The following IL1RAP variants were observed in gnomAD, a reference collection of about 807,000 sequenced individuals.
IL1RAP encodes the protein interleukin 1 receptor accessory protein, also known as interleukin-1 receptor accessory protein.
IL1RAP carries 35 observed loss-of-function variants against 60.7 expected under a neutral mutation model. The ratio of observed to expected loss-of-function variants is 0.58; its 90% CI spans 0.44 to 0.76. The LOEUF (loss-of-function observed/expected upper bound fraction) is 0.76, where lower values mean the gene tolerates loss of function less well. IL1RAP is among the 30% of genes least tolerant of loss of function. The pLI, the probability that IL1RAP is intolerant of heterozygous loss-of-function variation, is 0.00. For missense variants in IL1RAP, 572 were observed against 693.9 expected (o/e 0.82, Z 1.97); for synonymous variants, 268 against 250.9 (o/e 1.07, Z -0.64).
intron 3 of IL1RAP, among the ~76,000 whole-genome samples, chr3:190,581,513 A>G (rs1727996388): frequency 6.6e-6 from 1 of 152,212 alleles, no homozygotes; most frequent in South Asian, 2.1e-4. Flanking sequence ...GTATTTCCAA[A>G]TGTGAGCAAA....
chr3:190,630,111 A>T lies in IL1RAP; in HGVS notation c.1051+613A>T, dbSNP rs376706101. ...TAATTATAATATTATTTTAAACACT[A>T]TGTATCAATATTTAAGCAGGTTTAT... On this transcript the variant is annotated intron_variant, in intron 9 of 11. Coordinates refer to ENST00000447382, the MANE Select transcript of IL1RAP (RefSeq NM_002182.4). 16 of 763,450 alleles carry T rather than the reference A, an allele frequency of 2.1e-5. No homozygotes were observed. In the East Asian group the frequency reaches 3.9e-4, roughly 18 times the overall value. The allele number at this position is 763,450 out of a possible 1,614,324, so 47.3% of individuals were successfully genotyped here. A position where few individuals can be genotyped will look rare whatever the true frequency, so the allele number is the denominator to read the frequency against.
chr3:190,516,443 G>A (rs139977450), intron 1 of IL1RAP: 1 of 152,202 alleles, frequency 6.6e-6, no homozygotes, highest in Admixed American at 6.5e-5. Flanking sequence ...TCAAAGAAAG[G>A]TTGGTCAATT....
In IL1RAP at chr3:190,650,936, T is replaced by C. The variant is rs1734355657; in HGVS notation, c.*2231T>C. ...GATTCCATATTTATCCCAAATGCTG[T>C]TGGGCACCCCTAGAAATACCTTGAT... On this transcript the variant is annotated 3_prime_UTR_variant, in exon 12 of 12. Coordinates refer to ENST00000447382, the MANE Select transcript of IL1RAP (RefSeq NM_002182.4). The C allele has an allele frequency of 1.2e-5, 12 of 985,314 alleles. No homozygotes were observed. Among genetic ancestry groups the C allele is most frequent in the Non-Finnish European group, 1.4e-5 (12 of 829,906 alleles). The allele number at this position is 985,314 out of a possible 1,614,324, so 61.0% of individuals were successfully genotyped here.
At chr3:190,626,747 T>C (rs1732314307) in intron 7 of IL1RAP, among the ~76,000 whole-genome samples, 2 of 143,592 alleles carry the variant, frequency 1.4e-5, no homozygotes, top group Admixed American at 1.5e-4. Context: ...CTTGGCTCAC[T>C]GCAACCTCCA....
At chr3:190,587,562 T>A (rs1026380976) in intron 3 of IL1RAP, among the ~76,000 whole-genome samples, 4 of 152,208 alleles carry the variant, frequency 2.6e-5, no homozygotes, top group African/African-American at 9.6e-5. Context: ...AAGATGTATC[T>A]CAGGAACTAT....
intron 5 of IL1RAP, among the ~76,000 whole-genome samples, chr3:190,619,321 T>C (rs372461228): frequency 7.9e-5 from 12 of 152,216 alleles, no homozygotes; most frequent in African/African-American, 2.7e-4. Flanking sequence ...TTCTCAATTT[T>C]AAATGTCAAC....
intron 5 of IL1RAP, among the ~76,000 whole-genome samples, chr3:190,612,149 C>T (rs1730874887): frequency 6.6e-6 from 1 of 152,000 alleles, no homozygotes. Flanking sequence ...CAGTGAGTAG[C>T]TGTGCATGAA....
rs564183712 is a variant in IL1RAP, at chr3:190,560,346, C to T, written c.-1-3943C>T. Reference sequence around the variant, plus strand: ...GTGAATGGCCAAGTTTTCAAAAGTGCGAATGGTCGTAGTTTTCAGTGGGCA... The same window carrying T: ...GTGAATGGCCAAGTTTTCAAAAGTGTGAATGGTCGTAGTTTTCAGTGGGCA... On this transcript the variant is annotated intron_variant, in intron 2 of 11. Transcript: ENST00000447382. Among the ~76,000 whole-genome samples the T allele has an allele frequency of 4.6e-5, 7 of 152,242 alleles. No individual in the cohort carries two copies. The East Asian group carries it at 9.7e-4, about 21-fold the overall frequency.
rs182642392 is a variant in IL1RAP, at chr3:190,638,606, T to C, written c.1052-5642T>C. 5.3e-5 allele frequency among the ~76,000 whole-genome samples: 8 copies of C among 152,306 alleles called. No individual in the cohort carries two copies. The East Asian group carries it at 1.4e-3, about 26-fold the overall frequency. On this transcript the variant is annotated intron_variant, in intron 9 of 11. Transcript: ENST00000447382. ...TGTTTTAATGAGCAGAGGTTCTCAT[T>C]TTTTATGAGATGTAATTTATTAACT...
At chr3:190,565,755 G>T (rs983111672) in intron 3 of IL1RAP, among the ~76,000 whole-genome samples, 1 of 152,050 alleles carries the variant, frequency 6.6e-6, no homozygotes, top group Non-Finnish European at 1.5e-5. Context: ...TTGATGTCCT[G>T]ATTTTCAAAT....
chr3:190,533,395 C>T (rs181837242), intron 1 of IL1RAP, among the ~76,000 whole-genome samples: 1 of 152,254 alleles, frequency 6.6e-6, no homozygotes, highest in Admixed American at 6.5e-5. Flanking sequence ...GCCTTTCCGG[C>T]CTTGAGATTC....
chr3:190,609,036 T>A lies in IL1RAP; in HGVS notation c.392T>A (p.Val131Asp). 1.2e-6 allele frequency: 2 copies of A among 1,613,474 alleles called. No individual in the cohort carries two copies. Among genetic ancestry groups the A allele is most frequent in the Non-Finnish European group, 1.7e-6 (2 of 1,179,638 alleles). ...YCSKVAFPLE[V>D]VQKDSCFNSP... is the part of the protein sequence containing the mutation. ...AGCAAAGTTGCATTTCCCTTGGAAGTTGTTCAAAAAGACAGCTGTTTCAAT... is the reference window on the plus strand; with the variant it reads ...AGCAAAGTTGCATTTCCCTTGGAAGATGTTCAAAAAGACAGCTGTTTCAAT... The change falls in exon 5 of 12, where the codon GTT becomes GAT. Residue 131 changes from valine to aspartate, a missense_variant. Coordinates refer to ENST00000447382, the MANE Select transcript of IL1RAP (RefSeq NM_002182.4).
downstream of IL1RAP, chr3:190,656,219 G>C: frequency 1.3e-6 from 2 of 1,537,224 alleles, no homozygotes; most frequent in Non-Finnish European, 1.7e-6. Context: ...AATGAGAGCT[G>C]CTCTTCCCAG....
chr3:190,593,315 A>T (rs1729104174), intron 3 of IL1RAP, among the ~76,000 whole-genome samples: 1 of 151,874 alleles, frequency 6.6e-6, no homozygotes, highest in African/African-American at 2.4e-5. Flanking sequence ...GCTCACAGAC[A>T]CTCCAGCTCT....
chr3:190,622,924 C>T (rs1054803921), intron 6 of IL1RAP, among the ~76,000 whole-genome samples: 3 of 152,176 alleles, frequency 2.0e-5, no homozygotes, highest in African/African-American at 4.8e-5. Flanking sequence ...TGGCTACTAG[C>T]GCTCATCCAG....
chr3:190,593,797 G>C (rs1017552446), intron 3 of IL1RAP, among the ~76,000 whole-genome samples: 7 of 151,906 alleles, frequency 4.6e-5, no homozygotes, highest in Non-Finnish European at 8.8e-5. Context: ...ATTTGGGTGG[G>C]GACACAGTCA....
chr3:190,546,305 C>T (rs1226072171), intron 1 of IL1RAP, among the ~76,000 whole-genome samples: 1 of 152,154 alleles, frequency 6.6e-6, no homozygotes, highest in African/African-American at 2.4e-5. Context: ...TGCGTGGCTG[C>T]ATCACAGAAC....
At chr3:190,622,182 A>T (rs1205445838) in intron 6 of IL1RAP, among the ~76,000 whole-genome samples, 2 of 152,256 alleles carry the variant, frequency 1.3e-5, no homozygotes, top group South Asian at 2.1e-4. Flanking sequence ...ATTATGCAAC[A>T]TAAGACATCT....
Position 190,649,927 on chromosome 3 carries a change from G to C in IL1RAP, c.*1222G>C. On this transcript the variant is annotated 3_prime_UTR_variant, in exon 12 of 12. Transcript: ENST00000447382. ...AGAGTGGTAAATATCTATGTTACATGTAGATTATACATATATATACACACG... is the reference window on the plus strand; with the variant it reads ...AGAGTGGTAAATATCTATGTTACATCTAGATTATACATATATATACACACG... 1 of 925,986 alleles carries C rather than the reference G, an allele frequency of 1.1e-6. No individual in the cohort carries two copies. Among genetic ancestry groups the C allele is most frequent in the Non-Finnish European group, 1.3e-6 (1 of 776,026 alleles). The allele number at this position is 925,986 out of a possible 1,614,324, so 57.4% of individuals were successfully genotyped here.
Sources: allele counts gnomAD v4.1 joint callset (sites outside exome capture counted in the v4.1 genomes callset), GRCh38; gene constraint gnomAD v4.1.1; transcripts MANE v1.5; gene names NCBI Gene and HGNC (gene_info 2026-07-23, HGNC 2026-07-21).